The following CARMIL1 variants were observed in gnomAD, a reference collection of about 807,000 sequenced individuals.
CARMIL1 encodes F-actin-uncapping protein LRRC16A.
In CARMIL1, 90 loss-of-function variants were observed where a neutral mutation model predicts 177.1. That is an observed-to-expected ratio of 0.51 (90% CI 0.43 to 0.61). CARMIL1 has a LOEUF of 0.61. CARMIL1 is among the 20% of genes least tolerant of loss of function. The probability of loss-of-function intolerance (pLI) is 0.00; values close to 1 mark genes in which losing one functional copy is unlikely to be tolerated. For synonymous variants in CARMIL1, 577 were observed against 606.2 expected, an observed-to-expected ratio of 0.95 and a Z score of 0.71; for missense variants, 1,380 against 1,667.0, an observed-to-expected ratio of 0.83 and a Z score of 3.00.
intron 2 of CARMIL1, among the ~76,000 whole-genome samples, chr6:25,291,167 C>T (rs936125195): frequency 6.6e-6 from 1 of 152,026 alleles, no homozygotes; most frequent in Non-Finnish European, 1.5e-5. Flanking sequence ...GGCTTTTGAA[C>T]ATCTTAATTA....
chr6:25,381,436 A>T (rs576063703), intron 2 of CARMIL1, among the ~76,000 whole-genome samples: 1 of 152,192 alleles, frequency 6.6e-6, no homozygotes, highest in Non-Finnish European at 1.5e-5. Flanking sequence ...GACCCCACAG[A>T]TTATGGGCTT....
intron 2 of CARMIL1, among the ~76,000 whole-genome samples, chr6:25,301,885 C>T (rs1330762854): frequency 6.6e-6 from 1 of 151,872 alleles, no homozygotes; most frequent in Non-Finnish European, 1.5e-5. Context: ...TCATTCATTT[C>T]CTTAGATCAG....
rs534202286 is a variant in CARMIL1, at chr6:25,489,441, A to G, written c.1065+856A>G. ...GGCAAAAACTACTCTCTCAATTATA[A>G]TAAAATTTTTAATGTAACTGAATCA... is the stretch of plus-strand genomic sequence containing the variant. On this transcript the variant is annotated intron_variant, in intron 13 of 36. Transcript: ENST00000329474. 2.6e-5 allele frequency among the ~76,000 whole-genome samples: 4 copies of G among 152,340 alleles called. No individual in the cohort carries two copies. In the South Asian group the frequency reaches 8.3e-4, roughly 32 times the overall value.
intron 2 of CARMIL1, among the ~76,000 whole-genome samples, chr6:25,399,738 C>A (rs1331588561): frequency 6.6e-6 from 1 of 152,066 alleles, no homozygotes; most frequent in Non-Finnish European, 1.5e-5. Flanking sequence ...AATTTTATTT[C>A]CAATTTCAGT....
chr6:25,354,200 C>T (rs1397785708), intron 2 of CARMIL1, among the ~76,000 whole-genome samples: 3 of 152,018 alleles, frequency 2.0e-5, no homozygotes, highest in Non-Finnish European at 2.9e-5. Context: ...TTGTCTGTCA[C>T]CTAGGCTAGG....
chr6:25,342,001 A>G (rs78426485), intron 2 of CARMIL1, among the ~76,000 whole-genome samples: 3,327 of 152,298 alleles, frequency 0.022, 100 homozygotes, highest in East Asian at 0.14. Context: ...TGATATCTTT[A>G]AATATTCAGG....
intron 2 of CARMIL1, among the ~76,000 whole-genome samples, chr6:25,399,830 T>C (rs530988822): frequency 1.2e-4 from 19 of 152,372 alleles, no homozygotes; most frequent in Admixed American, 3.3e-4. Flanking sequence ...GAACTATGAC[T>C]GTTATTTTAA....
intron 2 of CARMIL1, among the ~76,000 whole-genome samples, chr6:25,387,585 C>T (rs1198845208): frequency 6.6e-6 from 1 of 152,086 alleles, no homozygotes; most frequent in Non-Finnish European, 1.5e-5. Context: ...TTTTGAAGAC[C>T]ATCTTTTGAA....
At chr6:25,479,164 G>A (rs1347520575) in intron 11 of CARMIL1, 1 of 518,984 alleles carries the variant, frequency 1.9e-6, no homozygotes, top group Admixed American at 1.9e-5. Context: ...GACTTACCTT[G>A]TGGTTTGCCC....
At chr6:25,450,916 C>CTT (rs1397107267) in intron 8 of CARMIL1, among the ~76,000 whole-genome samples, 1 of 3,224 alleles carries the variant, frequency 3.1e-4, no homozygotes, top group Non-Finnish European at 7.0e-4. Flanking sequence ...TTTTCCTTCT[C>CTT]CTCTCCTCTC....
At chr6:25,363,253 C>T (rs890246174) in intron 2 of CARMIL1, among the ~76,000 whole-genome samples, 1 of 151,678 alleles carries the variant, frequency 6.6e-6, no homozygotes, top group Non-Finnish European at 1.5e-5. Flanking sequence ...TCTTTTTTAT[C>T]GGTGCTTCCA....
At chr6:25,571,181 T>A (rs1424030461) in intron 29 of CARMIL1, among the ~76,000 whole-genome samples, 2 of 152,176 alleles carry the variant, frequency 1.3e-5, no homozygotes, top group African/African-American at 4.8e-5. Flanking sequence ...GTCTAGGATA[T>A]TTTATATCAA....
At chr6:25,617,943 T>C (rs1759419034) in intron 36 of CARMIL1, among the ~76,000 whole-genome samples, 1 of 152,304 alleles carries the variant, frequency 6.6e-6, no homozygotes, top group South Asian at 2.1e-4. Context: ...ATAATATTTG[T>C]TTGTTGCTTT....
chr6:25,461,197 T>C (rs563050230), intron 8 of CARMIL1, among the ~76,000 whole-genome samples: 3 of 152,366 alleles, frequency 2.0e-5, no homozygotes, highest in Admixed American at 2.0e-4. Flanking sequence ...TTGTAGAGAC[T>C]GTTACCTTGC....
chr6:25,529,730 G>C (rs1311388518), intron 24 of CARMIL1, among the ~76,000 whole-genome samples: 1 of 39,088 alleles, frequency 2.6e-5, no homozygotes, highest in Non-Finnish European at 5.1e-5. Flanking sequence ...AGTCCGGCCT[G>C]GGCGACAGAG....
At chr6:25,404,062 G>C (rs1044537898) in intron 2 of CARMIL1, among the ~76,000 whole-genome samples, 5 of 152,222 alleles carry the variant, frequency 3.3e-5, no homozygotes, top group African/African-American at 1.2e-4. Flanking sequence ...GAGATAGAGA[G>C]TCAGGAAGAC....
At chr6:25,331,894 G>A (rs538409313) in intron 2 of CARMIL1, among the ~76,000 whole-genome samples, 1 of 152,332 alleles carries the variant, frequency 6.6e-6, no homozygotes, top group East Asian at 1.9e-4. Context: ...CTTGTTAAAT[G>A]AATAGTTCAT....
intron 5 of CARMIL1, among the ~76,000 whole-genome samples, chr6:25,440,142 G>A (rs1797607802): frequency 1.3e-5 from 2 of 152,196 alleles, no homozygotes; most frequent in Admixed American, 1.3e-4. Flanking sequence ...GTTGGGTGAT[G>A]TACCATGGGG....
At chr6:25,311,260 A>G (rs2150206085) in intron 2 of CARMIL1, among the ~76,000 whole-genome samples, 2 of 152,324 alleles carry the variant, frequency 1.3e-5, no homozygotes, top group Non-Finnish European at 2.9e-5. Flanking sequence ...ATGTCTCTAA[A>G]ATGAAATAAA....
Sources: allele counts gnomAD v4.1 joint callset (sites outside exome capture counted in the v4.1 genomes callset), GRCh38; gene constraint gnomAD v4.1.1; transcripts MANE v1.5; gene names NCBI Gene and HGNC (gene_info 2026-07-23, HGNC 2026-07-21).